ITGAE: variants seen among roughly 807,000 people sequenced by gnomAD.
ITGAE encodes integrin subunit alpha E.
Under a neutral mutation model 136.5 loss-of-function variants are expected in ITGAE, and 99 were observed. The observed-to-expected ratio is 0.73, with a 90% CI of 0.62 to 0.86. The LOEUF is 0.86. Among genes scored for constraint, ITGAE ranks in the 40% least tolerant of loss-of-function variants. The pLI is 0.00. For missense variants in ITGAE, 1,447 were observed against 1,515.3 expected (o/e 0.95, Z 0.75); for synonymous variants, 613 against 591.8 (o/e 1.04, Z -0.52).
rs781278563 is a variant in ITGAE, at chr17:3,777,540, C to G, written c.155G>C (p.Trp52Ser). 6 of 1,610,898 alleles carry G rather than the reference C, an allele frequency of 3.7e-6. No homozygotes were observed. The highest frequency in any genetic ancestry group is 4.5e-5 in the East Asian group (2 of 44,800). ...LHQDPSTNQT[W>S]LLVTSPRTKR... is the part of the protein sequence containing the mutation. ...CCTCTTGCCCACCGGCCCTACTCAC[C>G]AGGTCTGGTTGGTGCTGGGGTCTTG... The change falls in exon 2 of 31, where the codon TGG (tryptophan) becomes TCG (serine). Residue 52 changes from tryptophan to serine, a missense_variant and splice_region_variant. Transcript: ENST00000263087.
chr17:3,715,624 G>A (rs193026962), intron 30 of ITGAE, among the ~76,000 whole-genome samples: 1 of 152,178 alleles, frequency 6.6e-6, no homozygotes, highest in Non-Finnish European at 1.5e-5. Context: ...AGGCCAAGAT[G>A]AGAAGATGGC....
chr17:3,760,804 C>T (rs2052146519), intron 6 of ITGAE, among the ~76,000 whole-genome samples: 1 of 152,026 alleles, frequency 6.6e-6, no homozygotes, highest in African/African-American at 2.4e-5. Flanking sequence ...GCTTTGTGTG[C>T]TGTGTGAGCC....
intron 13 of ITGAE, 109 bp downstream of exon 13, chr17:3,753,674 C>A: frequency 7.1e-7 from 1 of 1,407,070 alleles, no homozygotes; most frequent in Non-Finnish European, 9.6e-7. Flanking sequence ...CTGAGTTTCA[C>A]CCAGCCCGGG....
Position 3,761,497 on chromosome 17 carries a change from C to A in ITGAE, c.339G>T (p.Arg113=), listed in dbSNP as rs1307989312. ...GVLICIQVLV[R]RPHSLSSELT... is the part of the protein sequence containing the mutation. ...GTTCTGAGCTGAGGCTGTGAGGCCG[C>A]CGGACCAGCACTTGAATGCATATCT... Residue 113 remains arginine (R), a synonymous_variant, in exon 5 of 31, where the codon CGG becomes CGT. Transcript: ENST00000263087. 2 of 1,613,828 alleles carry A rather than the reference C, an allele frequency of 1.2e-6. No homozygotes were observed. Among genetic ancestry groups the A allele is most frequent in the Non-Finnish European group, 8.5e-7 (1 of 1,179,928 alleles).
chr17:3,756,400 A>ATTTT (rs34579296), intron 10 of ITGAE, among the ~76,000 whole-genome samples: 24 of 119,384 alleles, frequency 2.0e-4, no homozygotes, highest in African/African-American at 7.0e-4. Context: ...CGCCTGGCTA[A>ATTTT]TTTTTTTTTT....
At position 3,729,483 on chromosome 17, in the gene ITGAE, C is replaced by T. The variant is rs1306481717; in HGVS notation, c.2907G>A (p.Leu969=). 1 of 1,607,946 alleles carries T rather than the reference C, an allele frequency of 6.2e-7. No homozygotes were observed. The highest frequency in any genetic ancestry group is 2.2e-5 in the East Asian group (1 of 44,864). Residue 969 remains leucine (L), a synonymous_variant, in exon 24 of 31, where the codon CTG becomes CTA. Transcript: ENST00000263087. ...GGCCTCTTGGGAGTACTCACTTGGA[C>T]AGAACTGCAACGAAGCCATGCCTGA... ...LQFRHGFVAV[L]SKPSIMYVNT...
At position 3,729,385 on chromosome 17, in the gene ITGAE, A is replaced by G. The variant is rs2051289883; in HGVS notation, c.2912+93T>C. 6 of 825,110 alleles carry G rather than the reference A, an allele frequency of 7.3e-6. No individual in the cohort carries two copies. The African/African-American group carries it at 8.3e-5, about 11-fold the overall frequency. 51.1% of individuals were successfully genotyped at this position (825,110 alleles called of 1,614,324 possible). A position where few individuals can be genotyped will look rare whatever the true frequency, so the allele number is the denominator to read the frequency against. On this transcript the variant is annotated intron_variant, in intron 24 of 30. Coordinates refer to ENST00000263087, the MANE Select transcript of ITGAE (RefSeq NM_002208.5). ...TCTCAGAAGGACAGTGTCCACATTC[A>G]TCCTGACCACCAGCTCCATCTACGA... is the stretch of plus-strand genomic sequence containing the variant.
chr17:3,800,716 C>G (rs1200791857), intron 1 of ITGAE, among the ~76,000 whole-genome samples: 1 of 152,212 alleles, frequency 6.6e-6, no homozygotes, highest in Non-Finnish European at 1.5e-5. Context: ...ATCAGCCCAA[C>G]CCCTGCTCTG....
At chr17:3,764,163 A>T (rs995966134) in intron 2 of ITGAE, among the ~76,000 whole-genome samples, 6 of 152,198 alleles carry the variant, frequency 3.9e-5, no homozygotes, top group Non-Finnish European at 1.5e-5. Context: ...AAATGGTTAA[A>T]TGCAACCCCT....
intron 1 of ITGAE, among the ~76,000 whole-genome samples, chr17:3,800,667 A>C (rs992994458): frequency 3.9e-5 from 6 of 152,194 alleles, no homozygotes; most frequent in Middle Eastern, 3.4e-3. Flanking sequence ...ACTTGCCCCC[A>C]GTCTCTGGTC....
intron 1 of ITGAE, among the ~76,000 whole-genome samples, chr17:3,792,174 G>T (rs574546686): frequency 5.9e-5 from 9 of 151,952 alleles, no homozygotes; most frequent in South Asian, 4.2e-4. Context: ...CAGGCTGGAG[G>T]GCAGTGGCGC....
chr17:3,737,276 G>C (rs1013121987), intron 20 of ITGAE, among the ~76,000 whole-genome samples: 1 of 152,180 alleles, frequency 6.6e-6, no homozygotes, highest in Non-Finnish European at 1.5e-5. Flanking sequence ...CTGGGTGACA[G>C]AGTGAGACCC....
At chr17:3,776,857 C>T (rs1318966949) in intron 2 of ITGAE, among the ~76,000 whole-genome samples, 4 of 152,030 alleles carry the variant, frequency 2.6e-5, no homozygotes, top group Admixed American at 1.3e-4. Flanking sequence ...CGGTGCCAGG[C>T]CCAGTTTTTT....
intron 11 of ITGAE, 62 bp from the exon 12 acceptor site, chr17:3,755,323 C>T: frequency 6.9e-7 from 1 of 1,457,964 alleles, no homozygotes; most frequent in South Asian, 1.4e-5. Context: ...GCCACGGTGG[C>T]CGCGGGTCTC....
chr17:3,718,708 T>C (rs2050987609), intron 29 of ITGAE, among the ~76,000 whole-genome samples: 1 of 152,194 alleles, frequency 6.6e-6, no homozygotes, highest in Non-Finnish European at 1.5e-5. Flanking sequence ...GGGGGAAACA[T>C]ACAAATTTAA....
chr17:3,716,705 G>T lies in ITGAE; in HGVS notation c.3427C>A (p.Leu1143Met). Reference sequence around the variant, plus strand: ...GAACTGACCTTGAACAGGATGACCAGAATCACGATCAACACCAGAAGTCCA... The same window carrying T: ...GAACTGACCTTGAACAGGATGACCATAATCACGATCAACACCAGAAGTCCA... Reference protein sequence around the residue: ...VGGLLVLIVILVILFKCGFFK... With the variant: ...VGGLLVLIVIMVILFKCGFFK... The change falls in exon 30 of 31, where the codon CTG becomes ATG. Residue 1143 changes from leucine to methionine, a missense_variant. Around this residue, in one of 3 missense-constraint regions of ITGAE, gnomAD observed 1,031 missense variants for 1,011.4 expected, o/e 1.02. Coordinates refer to ENST00000263087, the MANE Select transcript of ITGAE (RefSeq NM_002208.5). 1 of 1,597,210 alleles carries T rather than the reference G, an allele frequency of 6.3e-7. No homozygotes were observed. The highest frequency in any genetic ancestry group is 8.6e-7 in the Non-Finnish European group (1 of 1,164,696).
intron 23 of ITGAE, 102 bp downstream of exon 23, chr17:3,731,002 C>T (rs2051328392): frequency 2.2e-6 from 2 of 898,728 alleles, no homozygotes; most frequent in Non-Finnish European, 3.6e-6. Flanking sequence ...TTTCCTTTCT[C>T]CCTGGGCTGT....
At chr17:3,797,411 C>A (rs1451091755) in intron 1 of ITGAE, among the ~76,000 whole-genome samples, 1 of 150,658 alleles carries the variant, frequency 6.6e-6, no homozygotes, top group African/African-American at 2.4e-5. Context: ...ATGATCTGCC[C>A]ACCTTGGCCT....
At chr17:3,763,580 T>G (rs2052225232) in intron 3 of ITGAE, among the ~76,000 whole-genome samples, 2 of 152,120 alleles carry the variant, frequency 1.3e-5, no homozygotes, top group Non-Finnish European at 2.9e-5. Context: ...GTTTTGAGGA[T>G]GAAAACAGAA....
Sources: gnomAD v4.1 joint callset for allele counts (sites outside exome capture counted in the v4.1 genomes callset) on GRCh38, gnomAD v4.1.1 for gene constraint, gnomAD v4.1.1 regional missense constraint, MANE v1.5 for transcripts, NCBI Gene and HGNC (gene_info 2026-07-23, HGNC 2026-07-21) for gene names.